Variants in PACRG observed in about 807,000 individuals in gnomAD.
PACRG encodes the protein parkin coregulated, also known as parkin coregulated gene protein.
PACRG carries 29 observed loss-of-function variants against 29.7 expected under a neutral mutation model. That is an observed-to-expected ratio of 0.98 (90% CI 0.73 to 1.33). PACRG has a LOEUF of 1.33. Ranked by LOEUF, PACRG falls within the 40% of genes most tolerant of loss-of-function variation. PACRG has a pLI of 0.00. For synonymous variants in PACRG, 116 were observed against 118.7 expected (o/e 0.98, Z 0.15); for missense variants, 279 against 316.2 (o/e 0.88, Z 0.89).
chr6:162,978,223 G>A (rs1320652134), intron 2 of PACRG, among the ~76,000 whole-genome samples: 1 of 152,066 alleles, frequency 6.6e-6, no homozygotes, highest in Admixed American at 6.6e-5. Flanking sequence ...TTAGAATATG[G>A]CTGAAGAAAT....
intron 4 of PACRG, among the ~76,000 whole-genome samples, chr6:163,211,475 A>G (rs1450132646): frequency 2.0e-5 from 3 of 152,222 alleles, no homozygotes; most frequent in African/African-American, 7.2e-5. Flanking sequence ...AAGCTTATAT[A>G]CACAGGTGGA....
At chr6:163,034,169 A>T (rs1166852555) in intron 2 of PACRG, among the ~76,000 whole-genome samples, 6 of 152,178 alleles carry the variant, frequency 3.9e-5, no homozygotes, top group African/African-American at 7.2e-5. Flanking sequence ...AGCAACATTG[A>T]AAAGTTCAGG....
At chr6:162,766,381 G>A (rs1782795553) in intron 1 of PACRG, among the ~76,000 whole-genome samples, 1 of 152,142 alleles carries the variant, frequency 6.6e-6, no homozygotes, top group East Asian at 1.9e-4. Flanking sequence ...TGTCGCAAAT[G>A]ATAGAATTTC....
chr6:163,033,254 T>C (rs1416666004), intron 2 of PACRG, among the ~76,000 whole-genome samples: 2 of 152,206 alleles, frequency 1.3e-5, no homozygotes, highest in African/African-American at 4.8e-5. Context: ...GCAATTTTAT[T>C]TATGTATTAG....
At chr6:162,936,762 A>C (rs1018795365) in intron 2 of PACRG, among the ~76,000 whole-genome samples, 4 of 152,038 alleles carry the variant, frequency 2.6e-5, no homozygotes, top group Non-Finnish European at 5.9e-5. Context: ...AAAAGCAAAT[A>C]ATTCATTTGA....
At chr6:163,029,308 A>G (rs753425573) in intron 2 of PACRG, among the ~76,000 whole-genome samples, 15 of 152,174 alleles carry the variant, frequency 9.9e-5, no homozygotes, top group Admixed American at 9.8e-4. Flanking sequence ...GAATTATCAG[A>G]TACACTTGTG....
chr6:162,828,085 A>G (rs1215366527), intron 2 of PACRG, among the ~76,000 whole-genome samples: 1 of 152,190 alleles, frequency 6.6e-6, no homozygotes, highest in African/African-American at 2.4e-5. Flanking sequence ...TCATTAAAAT[A>G]CATTTTTATA....
In PACRG at chr6:162,867,175, T is replaced by A. The variant is rs114334348; in HGVS notation, c.291+52894T>A. On this transcript the variant is annotated intron_variant, in intron 2 of 4. Coordinates refer to ENST00000366888, the MANE Select transcript of PACRG (RefSeq NM_001080379.2). The stretch of plus-strand genomic sequence containing the variant: ...CCCCTGAGAAGTGTCACCTGAATGC[T>A]CCCCAGTCTTCTAGCCCACTGACCT... Among the ~76,000 whole-genome samples the A allele has an allele frequency of 1.3e-3, 202 of 152,230 alleles. 1 individual carries two copies. The highest frequency in any genetic ancestry group is 4.7e-3 in the African/African-American group (194 of 41,526).
chr6:163,066,616 T>A (rs909405548), intron 3 of PACRG, among the ~76,000 whole-genome samples: 1 of 152,166 alleles, frequency 6.6e-6, no homozygotes, highest in African/African-American at 2.4e-5. Flanking sequence ...ATAAAGGTAG[T>A]TAAACAGAGT....
At chr6:163,270,497 A>G (rs984873363) in intron 4 of PACRG, among the ~76,000 whole-genome samples, 3 of 151,990 alleles carry the variant, frequency 2.0e-5, no homozygotes, top group African/African-American at 7.3e-5. Context: ...CAGCCTCTCA[A>G]GTAGCTGGGA....
At chr6:162,795,702 G>C (rs1031891373) in intron 1 of PACRG, among the ~76,000 whole-genome samples, 1 of 152,174 alleles carries the variant, frequency 6.6e-6, no homozygotes, top group African/African-American at 2.4e-5. Context: ...TTTGTGATGT[G>C]TAATGATGTG....
intron 3 of PACRG, among the ~76,000 whole-genome samples, chr6:163,078,534 A>G (rs981473387): frequency 1.3e-5 from 2 of 152,036 alleles, no homozygotes; most frequent in Admixed American, 6.6e-5. Context: ...TGATAATGAC[A>G]TCCAATTTAT....
intron 2 of PACRG, among the ~76,000 whole-genome samples, chr6:163,038,490 T>C (rs1808408589): frequency 6.6e-6 from 1 of 152,080 alleles, no homozygotes; most frequent in African/African-American, 2.4e-5. Context: ...ATGGACAAAG[T>C]ATTTTTAGAA....
At chr6:162,996,640 T>G (rs1021796809) in intron 2 of PACRG, among the ~76,000 whole-genome samples, 4 of 152,150 alleles carry the variant, frequency 2.6e-5, no homozygotes, top group Non-Finnish European at 5.9e-5. Context: ...TCATGCCAAA[T>G]TTTAAAAATA....
chr6:163,195,671 G>A (rs1276218094), intron 4 of PACRG, among the ~76,000 whole-genome samples: 1 of 152,202 alleles, frequency 6.6e-6, no homozygotes, highest in Non-Finnish European at 1.5e-5. Context: ...AGGTGGCAGT[G>A]GAGGCCGCCC....
At position 163,053,476 on chromosome 6, in the gene PACRG, G is replaced by A. The variant is rs373715829; in HGVS notation, c.292-8674G>A. Among the ~76,000 whole-genome samples the A allele has an allele frequency of 2.6e-5, 4 of 152,176 alleles. No individual in the cohort carries two copies. The East Asian group carries it at 7.7e-4, about 29-fold the overall frequency. ...CAGAACTGTTGCCAGAGTTTTAAAA[G>A]TAAAGGGAATTTTTTAAATGTACAA... On this transcript the variant is annotated intron_variant, in intron 2 of 4. Transcript: ENST00000366888.
chr6:162,798,985 G>T (rs1332680174), intron 1 of PACRG, among the ~76,000 whole-genome samples: 1 of 152,138 alleles, frequency 6.6e-6, no homozygotes, highest in East Asian at 1.9e-4. Context: ...ATGCAAAAAA[G>T]AATAACTTCT....
At chr6:162,794,246 A>G (rs1030295849) in intron 1 of PACRG, among the ~76,000 whole-genome samples, 8 of 152,048 alleles carry the variant, frequency 5.3e-5, no homozygotes, top group Non-Finnish European at 1.0e-4. Context: ...TTTATTGGCT[A>G]TTCAGTTATA....
chr6:162,876,458 A>T (rs1342347340), intron 2 of PACRG, among the ~76,000 whole-genome samples: 1 of 152,170 alleles, frequency 6.6e-6, no homozygotes, highest in East Asian at 1.9e-4. Context: ...TTCTCTAATT[A>T]CCAGTGATGA....
Sources: gnomAD v4.1 joint callset for allele counts (sites outside exome capture counted in the v4.1 genomes callset) on GRCh38, gnomAD v4.1.1 for gene constraint, MANE v1.5 for transcripts, NCBI Gene and HGNC (gene_info 2026-07-23, HGNC 2026-07-21) for gene names.